PRSS23: variants seen among roughly 807,000 people sequenced by gnomAD.
PRSS23 encodes the protein protease, serine 23.
In PRSS23, 25 loss-of-function variants were observed where a neutral mutation model predicts 34.7. That is an observed-to-expected ratio of 0.72 (90% CI 0.53 to 1.01). PRSS23 has a LOEUF of 1.01. Ranked by LOEUF, PRSS23 falls within the 50% of genes least tolerant of loss-of-function variation. The pLI is 0.00. For missense variants in PRSS23, 445 were observed against 475.6 expected (o/e 0.94, Z 0.60); for synonymous variants, 176 against 186.6 (o/e 0.94, Z 0.46).
At chr11:86,868,340 G>T (rs1565371308) in intron 2 of PRSS23, among the ~76,000 whole-genome samples, 1 of 152,160 alleles carries the variant, frequency 6.6e-6, no homozygotes, top group Non-Finnish European at 1.5e-5. Context: ...GTGGTATGCT[G>T]GCTGAACAAT....
intron 2 of PRSS23, among the ~76,000 whole-genome samples, chr11:86,893,657 A>G (rs118054079): frequency 6.6e-6 from 1 of 152,256 alleles, no homozygotes; most frequent in African/African-American, 2.4e-5. Context: ...ATGGATAGAT[A>G]TAGATATATA....
intron 2 of PRSS23, among the ~76,000 whole-genome samples, chr11:86,873,201 C>T (rs879868811): frequency 0.17 from 22,564 of 131,098 alleles, 2,437 homozygotes; most frequent in African/African-American, 0.33. Flanking sequence ...TATATATACA[C>T]ACACACACAC....
chr11:86,914,935 C>A (rs17149520), intron 2 of PRSS23, among the ~76,000 whole-genome samples: 8,914 of 152,206 alleles, frequency 0.059, 311 homozygotes, highest in African/African-American at 0.11. Context: ...AAATGGGGCA[C>A]AAATAACCAC....
intron 2 of PRSS23, among the ~76,000 whole-genome samples, chr11:86,943,251 A>G (rs926447997): frequency 3.9e-5 from 6 of 152,264 alleles, no homozygotes; most frequent in Non-Finnish European, 5.9e-5. Flanking sequence ...CTTTTAAAAA[A>G]TAGAAGCTTA....
intron 2 of PRSS23, among the ~76,000 whole-genome samples, chr11:86,941,509 G>T (rs958427419): frequency 6.6e-6 from 1 of 152,220 alleles, no homozygotes. Flanking sequence ...AGCAGTAGAG[G>T]ATTTGTTTTT....
At chr11:86,841,339 C>CAAA (rs58223921) in intron 2 of PRSS23, among the ~76,000 whole-genome samples, 20 of 103,638 alleles carry the variant, frequency 1.9e-4, no homozygotes, top group East Asian at 1.2e-3. Context: ...AACTCCATCT[C>CAAA]AAAAAAAAAA....
exon 3 of PRSS23, chr11:86,952,304 T>G: frequency 1.2e-6 from 2 of 1,614,254 alleles, no homozygotes; most frequent in Non-Finnish European, 1.7e-6. Flanking sequence ...GTGGTCGTTC[T>G]GTGGTGGGAA....
chr11:86,946,001 C>T (rs1322470409), intron 2 of PRSS23: 3 of 152,574 alleles, frequency 2.0e-5, no homozygotes, highest in South Asian at 2.1e-4. Flanking sequence ...GGGGAAGTCA[C>T]ATTTTATCTT....
In PRSS23 at chr11:86,817,107, A is replaced by G. The variant is rs1432781620; in HGVS notation, c.-11-6270A>G. ...TTCAAATGGCCTATTTTTGCTTGAAAATATGGTTTTTGAGGGGCAAGAAAG... is the reference window on the plus strand; with the variant it reads ...TTCAAATGGCCTATTTTTGCTTGAAGATATGGTTTTTGAGGGGCAAGAAAG... On this transcript the variant is annotated intron_variant, in intron 1 of 2. Transcript: ENST00000533902. Among the ~76,000 whole-genome samples the G allele has an allele frequency of 2.0e-5, 3 of 151,870 alleles. No individual in the cohort carries two copies. In the East Asian group the frequency reaches 5.9e-4, roughly 30 times the overall value.
chr11:86,833,174 C>CT (rs1355719198), intron 2 of PRSS23: 2 of 969,126 alleles, frequency 2.1e-6, no homozygotes, highest in African/African-American at 3.2e-5. Flanking sequence ...GTCAGGCAGC[C>CT]TGCATAGGAG....
chr11:86,879,384 C>A (rs1211204086), intron 2 of PRSS23, among the ~76,000 whole-genome samples: 7 of 151,814 alleles, frequency 4.6e-5, no homozygotes, highest in Admixed American at 3.9e-4. Context: ...CCCCTCCGCC[C>A]GGCAGCCACC....
intron 2 of PRSS23, chr11:86,911,096 G>A (rs1057042571): frequency 6.6e-6 from 1 of 152,028 alleles, no homozygotes; most frequent in South Asian, 2.1e-4. Context: ...AAAGGGTAAA[G>A]ATTTCCTTAT....
At chr11:86,802,957 G>T (rs1249523122) in intron 1 of PRSS23, among the ~76,000 whole-genome samples, 1 of 152,188 alleles carries the variant, frequency 6.6e-6, no homozygotes, top group East Asian at 1.9e-4. Context: ...AGTGATGGAG[G>T]GTGGACTGTG....
chr11:86,910,554 T>A (rs1165385380), intron 2 of PRSS23: 6 of 152,206 alleles, frequency 3.9e-5, no homozygotes, highest in Non-Finnish European at 8.8e-5. Context: ...ACGTGCAAAG[T>A]ATTTATATCC....
chr11:86,888,065 A>G (rs1445430025), intron 2 of PRSS23, among the ~76,000 whole-genome samples: 8 of 151,310 alleles, frequency 5.3e-5, no homozygotes, highest in Admixed American at 5.3e-4. Context: ...AAAAAAAAAC[A>G]AAAACAAAAA....
intron 2 of PRSS23, among the ~76,000 whole-genome samples, chr11:86,864,225 T>C (rs1279948477): frequency 6.6e-6 from 1 of 152,134 alleles, no homozygotes; most frequent in African/African-American, 2.4e-5. Context: ...AACTTGATTT[T>C]TTTTTTTTCC....
At chr11:86,863,940 C>T (rs756174979) in intron 2 of PRSS23, among the ~76,000 whole-genome samples, 1 of 152,128 alleles carries the variant, frequency 6.6e-6, no homozygotes, top group Non-Finnish European at 1.5e-5. Flanking sequence ...CCTGAGTGAC[C>T]GTGAAATCTG....
At chr11:86,864,889 T>C (rs894937624) in intron 2 of PRSS23, among the ~76,000 whole-genome samples, 1 of 152,230 alleles carries the variant, frequency 6.6e-6, no homozygotes, top group South Asian at 2.1e-4. Flanking sequence ...GCTTCCATCA[T>C]CACACTGCCT....
At chr11:86,800,355 A>G, upstream of PRSS23, 1 of 755,232 alleles carries the variant, frequency 1.3e-6, no homozygotes, top group Non-Finnish European at 1.6e-6. Flanking sequence ...GCTCGGCCTC[A>G]GGCCCTCTGG....
Sources: allele counts gnomAD v4.1 joint callset (sites outside exome capture counted in the v4.1 genomes callset), GRCh38; gene constraint gnomAD v4.1.1; transcripts MANE v1.5; gene names NCBI Gene and HGNC (gene_info 2026-07-23, HGNC 2026-07-21).